The following MLIP variants were observed in gnomAD, a reference collection of about 807,000 sequenced individuals.
The protein encoded by MLIP is muscular LMNA-interacting protein.
In MLIP, 79 loss-of-function variants were observed where a neutral mutation model predicts 84.8. The observed-to-expected ratio is 0.93, with a 90% CI of 0.78 to 1.12. The LOEUF (loss-of-function observed/expected upper bound fraction) is 1.12. MLIP is among the 50% of genes most tolerant of loss of function. The pLI is 0.00. For synonymous variants in MLIP, 504 were observed against 463.0 expected (o/e 1.09, Z -1.14); for missense variants, 1,257 against 1,160.6 (o/e 1.08, Z -1.21).
At chr6:54,070,722 C>T (rs138419883) in intron 1 of MLIP, among the ~76,000 whole-genome samples, 25 of 152,088 alleles carry the variant, frequency 1.6e-4, no homozygotes, top group African/African-American at 5.8e-4. Context: ...CTATGGTCTT[C>T]TTTTTAGCAT....
chr6:54,215,645 C>T (rs1779806532), intron 11 of MLIP: 1 of 159,378 alleles, frequency 6.3e-6, no homozygotes, highest in East Asian at 1.9e-4. Flanking sequence ...AAAATCTATT[C>T]TCAGCAAATT....
chr6:54,097,311 C>G (rs1350085232), intron 1 of MLIP, among the ~76,000 whole-genome samples: 1 of 152,100 alleles, frequency 6.6e-6, no homozygotes, highest in Non-Finnish European at 1.5e-5. Context: ...CATCCAAATT[C>G]CAGACAGCAG....
intron 1 of MLIP, among the ~76,000 whole-genome samples, chr6:54,045,072 G>A (rs1764960932): frequency 6.6e-6 from 1 of 152,014 alleles, no homozygotes; most frequent in Non-Finnish European, 1.5e-5. Flanking sequence ...GAATGGGCCC[G>A]GCACGGTAGC....
At chr6:54,258,429 T>C (rs1458628269) in intron 13 of MLIP, among the ~76,000 whole-genome samples, 1 of 152,106 alleles carries the variant, frequency 6.6e-6, no homozygotes, top group Non-Finnish European at 1.5e-5. Flanking sequence ...AAAGTTGTGT[T>C]ATGAATAGGT....
intron 12 of MLIP, among the ~76,000 whole-genome samples, chr6:54,231,891 T>G (rs1370444237): frequency 6.6e-6 from 1 of 152,076 alleles, no homozygotes; most frequent in Non-Finnish European, 1.5e-5. Context: ...ATGCAAACAG[T>G]CATCTAAAAG....
At chr6:54,171,447 G>A (rs141038214) in intron 9 of MLIP, among the ~76,000 whole-genome samples, 65 of 151,554 alleles carry the variant, frequency 4.3e-4, no homozygotes, top group African/African-American at 1.4e-3. Context: ...ACTAAAACAC[G>A]TCCACGTCTT....
At chr6:54,085,303 C>T (rs1417032643) in intron 1 of MLIP, among the ~76,000 whole-genome samples, 2 of 152,154 alleles carry the variant, frequency 1.3e-5, no homozygotes, top group African/African-American at 2.4e-5. Context: ...GTCAGAAAGA[C>T]CTGTGCCTGA....
intron 4 of MLIP, among the ~76,000 whole-genome samples, chr6:54,148,186 TG>T (rs1773059742): frequency 6.6e-6 from 1 of 152,156 alleles, no homozygotes; most frequent in South Asian, 2.1e-4. Context: ...TACTGGCCAC[TG>T]GGGAAGCTGC....
rs572041085 is a variant in MLIP at position 54,069,512 on chromosome 6, C to T, written c.63+50421C>T. On this transcript the variant is annotated intron_variant, in intron 1 of 12. Coordinates refer to the MLIP transcript ENST00000274897. Reference sequence around the variant, plus strand: ...AACAAAATCTGAGGATGTTCAAGTCCCTGATATAAAATGGTGTAGTATTTG... The same window carrying T: ...AACAAAATCTGAGGATGTTCAAGTCTCTGATATAAAATGGTGTAGTATTTG... 1.8e-4 allele frequency among the ~76,000 whole-genome samples: 18 copies of T among 99,556 alleles called. 2 individuals carry two copies. Among genetic ancestry groups the T allele is most frequent in the African/African-American group, 4.1e-4 (16 of 39,030 alleles). The allele number at this position is 99,556 out of a possible 152,430, so 65.3% of individuals were successfully genotyped here. A position where few individuals can be genotyped will look rare whatever the true frequency, so the allele number is the denominator to read the frequency against.
chr6:54,239,889 A>C (rs1454488035), intron 12 of MLIP, among the ~76,000 whole-genome samples: 1 of 152,206 alleles, frequency 6.6e-6, no homozygotes, highest in African/African-American at 2.4e-5. Context: ...AAATATTTTT[A>C]AAATTATATG....
chr6:54,161,116 T>G (rs1338225683), intron 8 of MLIP, among the ~76,000 whole-genome samples: 1 of 151,916 alleles, frequency 6.6e-6, no homozygotes, highest in Non-Finnish European at 1.5e-5. Flanking sequence ...TTTTTTACAT[T>G]GATGTTTAGA....
rs1777202909 is a variant in MLIP, at chr6:54,184,535, G to A, written c.2545-5335G>A. 9.9e-5 allele frequency among the ~76,000 whole-genome samples: 15 copies of A among 152,252 alleles called. No homozygotes were observed. The South Asian group carries it at 3.1e-3, about 32-fold the overall frequency. On this transcript the variant is annotated intron_variant, in intron 9 of 13. Coordinates refer to ENST00000502396, the MANE Select transcript of MLIP (RefSeq NM_001281747.2). ...CTTGGCTGTTCTTTGTTTGCCTTTG[G>A]CATCAAGTCTTTGGGAGATGAAAAG...
intron 1 of MLIP, among the ~76,000 whole-genome samples, chr6:54,019,377 G>A (rs1763373787): frequency 6.6e-6 from 1 of 152,152 alleles, no homozygotes; most frequent in South Asian, 2.1e-4. Flanking sequence ...CATTGTGATT[G>A]CCTCAGCACT....
chr6:54,192,931 G>A (rs80189063), intron 10 of MLIP, among the ~76,000 whole-genome samples: 1 of 152,250 alleles, frequency 6.6e-6, no homozygotes, highest in East Asian at 1.9e-4. Context: ...CAAGCTTAAT[G>A]CAATTCTCAA....
At chr6:54,238,692 G>A (rs1055059747) in intron 12 of MLIP, among the ~76,000 whole-genome samples, 1 of 152,140 alleles carries the variant, frequency 6.6e-6, no homozygotes, top group African/African-American at 2.4e-5. Context: ...TAAGCAAGAA[G>A]GCTCTATTTA....
intron 10 of MLIP, among the ~76,000 whole-genome samples, chr6:54,190,936 C>T (rs2754802): frequency 0.82 from 123,364 of 151,364 alleles, 52,306 homozygotes; most frequent in Non-Finnish European, 0.94. Flanking sequence ...GCTGGGACTA[C>T]AGGCGCCCGC....
chr6:54,143,504 C>T (rs1772512679), intron 4 of MLIP, among the ~76,000 whole-genome samples: 1 of 152,104 alleles, frequency 6.6e-6, no homozygotes, highest in Non-Finnish European at 1.5e-5. Context: ...CCACACTGGC[C>T]AGGATTTGCA....
At chr6:54,199,510 G>A (rs1778527251) in intron 10 of MLIP, among the ~76,000 whole-genome samples, 1 of 152,092 alleles carries the variant, frequency 6.6e-6, no homozygotes, top group African/African-American at 2.4e-5. Flanking sequence ...TTTGAAGCCG[G>A]TTTTGAAGCA....
At chr6:54,027,049 G>A (rs77496737) in intron 1 of MLIP, among the ~76,000 whole-genome samples, 3,881 of 152,108 alleles carry the variant, frequency 0.026, 81 homozygotes, top group Non-Finnish European at 0.036. Context: ...TCAAACATTA[G>A]GAATCTTGAA....
Sources: allele counts gnomAD v4.1 joint callset (sites outside exome capture counted in the v4.1 genomes callset), GRCh38; gene constraint gnomAD v4.1.1; transcripts MANE v1.5; gene names NCBI Gene and HGNC (gene_info 2026-07-23, HGNC 2026-07-21).